Variants in RP1 observed in about 807,000 individuals in gnomAD.
The protein encoded by RP1 is RP1 axonemal microtubule associated, also known as oxygen-regulated protein 1.
A neutral mutation model predicts 14.8 loss-of-function variants in RP1; 16 were observed. The observed-to-expected ratio is 1.08, with a 90% confidence interval of 0.73 to 1.65. The LOEUF (loss-of-function observed/expected upper bound fraction) is 1.65, where lower values mean the gene tolerates loss of function less well. RP1 is among the 40% of genes most tolerant of loss of function. The pLI, the probability that RP1 is intolerant of heterozygous loss-of-function variation, is 0.00. For synonymous variants in RP1, 876 were observed against 883.6 expected (o/e 0.99, Z 0.15); for missense variants, 2,631 against 2,535.0 (o/e 1.04, Z -0.81).
intron 24 of RP1, among the ~76,000 whole-genome samples, chr8:54,806,640 T>A (rs553337396): frequency 4.6e-5 from 7 of 152,318 alleles, no homozygotes; most frequent in Middle Eastern, 3.4e-3. Flanking sequence ...ACAACTTAGA[T>A]AATCAGGCGT....
intron 19 of RP1, among the ~76,000 whole-genome samples, chr8:54,751,037 T>G (rs188032958): frequency 4.6e-5 from 7 of 152,322 alleles, no homozygotes; most frequent in African/African-American, 1.2e-4. Flanking sequence ...CTGCTCACTC[T>G]TTGGGTCCGT....
intron 23 of RP1, among the ~76,000 whole-genome samples, chr8:54,775,718 T>C (rs1810019147): frequency 6.6e-6 from 1 of 152,188 alleles, no homozygotes; most frequent in Non-Finnish European, 1.5e-5. Context: ...GCCATCAAGT[T>C]TTAGGATAGT....
downstream of RP1, among the ~76,000 whole-genome samples, chr8:54,770,444 C>T (rs531326963): frequency 2.6e-5 from 4 of 151,124 alleles, no homozygotes; most frequent in Non-Finnish European, 5.9e-5. Context: ...ATTATATTAA[C>T]TTCTTTTTTT....
intron 1 of RP1, among the ~76,000 whole-genome samples, chr8:54,604,206 A>C (rs562604895): frequency 2.0e-5 from 3 of 152,216 alleles, no homozygotes; most frequent in African/African-American, 4.8e-5. Flanking sequence ...TTTTGAGATA[A>C]TTCCCATCAA....
At chr8:54,769,635 A>G in intron 22 of RP1, 1 of 811,716 alleles carries the variant, frequency 1.2e-6, no homozygotes. Context: ...TTTAGTGTGC[A>G]AAATTAATGC....
chr8:54,718,126 AG>A (rs1200017641), intron 15 of RP1, among the ~76,000 whole-genome samples: 2 of 152,188 alleles, frequency 1.3e-5, no homozygotes, highest in Non-Finnish European at 2.9e-5. Context: ...GGAAGACTCA[AG>A]GTTGTTGTCA....
At chr8:54,783,800 T>G (rs2129380920) in intron 24 of RP1, 1 of 891,322 alleles carries the variant, frequency 1.1e-6, no homozygotes, top group Admixed American at 4.3e-5. Flanking sequence ...TTTGTTGTTC[T>G]TTTGGTATTG....
At chr8:54,754,877 A>G (rs753676527) in exon 20 of RP1, 1 of 1,528,616 alleles carries the variant, frequency 6.5e-7, no homozygotes, top group Non-Finnish European at 8.7e-7. Context: ...GGATTCAGGC[A>G]GATGGGGATG....
chr8:54,850,488 T>G (rs1439074510), intron 25 of RP1, among the ~76,000 whole-genome samples: 2 of 152,220 alleles, frequency 1.3e-5, no homozygotes, highest in Non-Finnish European at 2.9e-5. Flanking sequence ...AATGAATATT[T>G]GTTAGCTAGG....
intron 24 of RP1, among the ~76,000 whole-genome samples, chr8:54,835,370 A>G (rs1811633198): frequency 6.6e-6 from 1 of 152,182 alleles, no homozygotes; most frequent in Admixed American, 6.5e-5. Flanking sequence ...TGCACAATCT[A>G]TGGGTAATTT....
intron 7 of RP1, among the ~76,000 whole-genome samples, chr8:54,666,063 G>A (rs749027909): frequency 3.9e-5 from 6 of 152,110 alleles, no homozygotes; most frequent in Non-Finnish European, 8.8e-5. Flanking sequence ...GTGGTTTAGA[G>A]GCCAGTCCCT....
At chr8:54,687,209 A>G (rs182633033) in intron 12 of RP1, among the ~76,000 whole-genome samples, 75 of 152,330 alleles carry the variant, frequency 4.9e-4, no homozygotes, top group Admixed American at 1.0e-3. Context: ...AACGTTTTGT[A>G]TAGGTGAATG....
chr8:54,692,337 T>C (rs553732442), intron 12 of RP1, among the ~76,000 whole-genome samples: 91 of 135,950 alleles, frequency 6.7e-4, no homozygotes, highest in African/African-American at 2.6e-3. Flanking sequence ...TACCCAGTAA[T>C]AGGATGGCTG....
intron 1 of RP1, among the ~76,000 whole-genome samples, chr8:54,591,736 A>G (rs1805046237): frequency 6.6e-6 from 1 of 152,008 alleles, no homozygotes; most frequent in African/African-American, 2.4e-5. Flanking sequence ...TGGTATCTGG[A>G]TTAGGCTGGG....
intron 15 of RP1, among the ~76,000 whole-genome samples, chr8:54,715,141 A>G (rs530989612): frequency 6.6e-6 from 1 of 152,380 alleles, no homozygotes; most frequent in South Asian, 2.1e-4. Flanking sequence ...CACTTGGGTG[A>G]TGGTAACTAG....
At chr8:54,705,096 A>G (rs1585622416) in intron 14 of RP1, among the ~76,000 whole-genome samples, 1 of 152,194 alleles carries the variant, frequency 6.6e-6, no homozygotes, top group Non-Finnish European at 1.5e-5. Context: ...TAAGCCAACT[A>G]TAAAGTTAGG....
intron 16 of RP1, among the ~76,000 whole-genome samples, chr8:54,720,856 A>C (rs1029280363): frequency 6.6e-6 from 1 of 152,222 alleles, no homozygotes; most frequent in Non-Finnish European, 1.5e-5. Context: ...ACATTATTTA[A>C]ACATGTATTT....
At chr8:54,667,324 A>T (rs1438138760) in intron 7 of RP1, among the ~76,000 whole-genome samples, 1 of 152,080 alleles carries the variant, frequency 6.6e-6, no homozygotes, top group African/African-American at 2.4e-5. Context: ...TATGTCCAGA[A>T]TTCTGTCTCA....
Position 54,626,596 on chromosome 8 carries a change from A to C in RP1, c.2714A>C (p.Glu905Ala), listed in dbSNP as rs750374154. The C allele has an allele frequency of 5.6e-6, 9 of 1,613,286 alleles. 1 individual carries two copies. Among genetic ancestry groups the C allele is most frequent in the Non-Finnish European group, 6.8e-6 (8 of 1,179,818 alleles). ...TCTTTGAAAAAACCTGATTTTCCTG[A>C]GGCTATTGCTCATCATTCAATTCAA... ...LASLKKPDFPEAIAHHSIQNY... is the reference protein window; with the variant it reads ...LASLKKPDFPAAIAHHSIQNY... The change falls in exon 4 of 4, where the codon GAG (glutamate) becomes GCG (alanine). Residue 905 changes from glutamate (E) to alanine (A), a missense_variant. Glu to Ala is a moderately radical substitution (Grantham distance 107, BLOSUM62 -1). Transcript: ENST00000220676.
Sources: gnomAD v4.1 joint callset for allele counts (sites outside exome capture counted in the v4.1 genomes callset) on GRCh38, gnomAD v4.1.1 for gene constraint, MANE v1.5 for transcripts, NCBI Gene and HGNC (gene_info 2026-07-23, HGNC 2026-07-21) for gene names.